The following TTC7A variants were observed in gnomAD, a reference collection of about 807,000 sequenced individuals.
The protein encoded by TTC7A is tetratricopeptide repeat protein 7A.
In TTC7A, 110 loss-of-function variants were observed where a neutral mutation model predicts 103.7. The observed-to-expected ratio is 1.06, with a 90% confidence interval of 0.91 to 1.24. The LOEUF is 1.24. TTC7A is among the 50% of genes most tolerant of loss of function. The pLI is 0.00. For missense variants in TTC7A, 1,340 were observed against 1,116.3 expected, an observed-to-expected ratio of 1.20 and a Z score of -2.86; for synonymous variants, 521 against 467.9, an observed-to-expected ratio of 1.11 and a Z score of -1.47.
At chr2:46,930,533 C>G (rs1193143553) in intron 2 of TTC7A, among the ~76,000 whole-genome samples, 9 of 140,122 alleles carry the variant, frequency 6.4e-5, no homozygotes, top group Non-Finnish European at 3.0e-5. Context: ...AAGTCTCACT[C>G]TTGTACCCCA....
intron 2 of TTC7A, among the ~76,000 whole-genome samples, chr2:46,918,094 T>C (rs1311312933): frequency 6.6e-6 from 1 of 152,230 alleles, no homozygotes; most frequent in Non-Finnish European, 1.5e-5. Flanking sequence ...CTCCTGTAAA[T>C]AACTGCCTAC....
rs1684979679 is a variant in TTC7A at position 47,073,765 on chromosome 2, G to A, written c.2419G>A (p.Glu807Lys). Residue 807 changes from glutamate to lysine, a missense_variant, in exon 20 of 20, where the codon GAG becomes AAG. Transcript: ENST00000319190. ...CCAGAAGGTGCTTCGTGATGCCGTG[G>A]AGAGGCAGAGTACGTGCCACGAGGC... is the stretch of plus-strand genomic sequence containing the variant. ...LAQKVLRDAVERQSTCHEAWQ... is the reference protein window; with the variant it reads ...LAQKVLRDAVKRQSTCHEAWQ... The A allele has an allele frequency of 6.2e-7, 1 of 1,613,876 alleles. No individual in the cohort carries two copies. The highest frequency in any genetic ancestry group is 8.5e-7 in the Non-Finnish European group (1 of 1,180,038).
At position 46,924,739 on chromosome 2, in the gene TTC7A, G is replaced by A. The variant is rs145762722; in HGVS notation, c.82+7462G>A. ...CCTCCTGGGCTCAAGCCATCCTCCT[G>A]CCTCAGGCCCTGGAATAGCTGGGAC... On this transcript the variant is annotated intron_variant, in intron 2 of 20. Transcript: ENST00000409245. Among the ~76,000 whole-genome samples, 31 of 152,248 alleles carry A rather than the reference G, an allele frequency of 2.0e-4. No individual in the cohort carries two copies. The East Asian group carries it at 5.6e-3, about 28-fold the overall frequency.
intron 15 of TTC7A, among the ~76,000 whole-genome samples, chr2:47,043,168 C>T (rs908184184): frequency 6.6e-6 from 1 of 152,226 alleles, no homozygotes; most frequent in East Asian, 1.9e-4. Flanking sequence ...GCCTGTGCTC[C>T]TTAGTCAGAA....
intron 3 of TTC7A, among the ~76,000 whole-genome samples, chr2:46,960,958 C>T (rs1469120271): frequency 1.3e-5 from 2 of 152,248 alleles, no homozygotes; most frequent in African/African-American, 2.4e-5. Context: ...TTGGCATTTG[C>T]TTTCCCAGGG....
At chr2:47,035,757 G>A (rs940209825) in intron 15 of TTC7A, 4 of 152,250 alleles carry the variant, frequency 2.6e-5, no homozygotes, top group African/African-American at 9.6e-5. Context: ...CTGGAGGCAG[G>A]AATTGTGGCC....
intron 12 of TTC7A, among the ~76,000 whole-genome samples, chr2:47,022,382 T>A (rs1044225679): frequency 5.9e-5 from 9 of 152,224 alleles, no homozygotes; most frequent in African/African-American, 1.9e-4. Context: ...TCAGCACTGC[T>A]ATGATCTTCT....
intron 15 of TTC7A, among the ~76,000 whole-genome samples, chr2:47,036,484 C>T (rs1015301439): frequency 7.2e-5 from 11 of 152,184 alleles, no homozygotes; most frequent in Non-Finnish European, 1.6e-4. Flanking sequence ...AATGTCCCTT[C>T]TGTGTTAGGG....
At chr2:47,065,367 A>G (rs1368036608) in intron 19 of TTC7A, among the ~76,000 whole-genome samples, 1 of 152,280 alleles carries the variant, frequency 6.6e-6, no homozygotes, top group East Asian at 1.9e-4. Context: ...AAAAGAAGCA[A>G]TGAGACAAAG....
At chr2:47,062,383 G>A (rs111660262) in intron 19 of TTC7A, among the ~76,000 whole-genome samples, 26 of 152,310 alleles carry the variant, frequency 1.7e-4, no homozygotes, top group African/African-American at 5.3e-4. Context: ...AAGAAAGCCC[G>A]TGCAGCCACC....
rs1331490677 is a variant in TTC7A, at chr2:46,978,879, A to G, written c.736A>G (p.Ser246Gly). 6.2e-7 allele frequency: 1 copy of G among 1,614,078 alleles called. No homozygotes were observed. The highest frequency in any genetic ancestry group is 8.5e-7 in the Non-Finnish European group (1 of 1,179,956). The change falls in exon 5 of 20, where the codon AGC (serine) becomes GGC (glycine). Residue 246 changes from serine (S) to glycine (G), a missense_variant. Physicochemically the swap from Ser to Gly is moderately conservative, Grantham distance 56 (BLOSUM62 0). Coordinates refer to ENST00000319190, the MANE Select transcript of TTC7A (RefSeq NM_020458.4). ...LTYFLEAALQ[S>G]AYVKNLKKGN... ...CTACTTCCTGGAAGCTGCCCTCCAG[A>G]GCGCCTATGTGAAAAACCTGAAGAA...
At chr2:46,930,845 C>A (rs536497954) in intron 2 of TTC7A, among the ~76,000 whole-genome samples, 1 of 152,086 alleles carries the variant, frequency 6.6e-6, no homozygotes, top group Non-Finnish European at 1.5e-5. Flanking sequence ...AATTTTTAAA[C>A]CTTCCCATAA....
intron 19 of TTC7A, among the ~76,000 whole-genome samples, chr2:47,073,113 CCGCACA>C (rs574897157): frequency 6.6e-6 from 1 of 152,192 alleles, no homozygotes; most frequent in African/African-American, 2.4e-5. Context: ...TGAGGAGCCA[CCGCACA>C]CGCACACGTT....
At chr2:46,927,611 C>T (rs754284478) in intron 2 of TTC7A, among the ~76,000 whole-genome samples, 1 of 151,854 alleles carries the variant, frequency 6.6e-6, no homozygotes, top group Non-Finnish European at 1.5e-5. Flanking sequence ...CTGCTCTCCT[C>T]GGCCTCCCAA....
chr2:46,988,459 T>G (rs1675276182), intron 5 of TTC7A, among the ~76,000 whole-genome samples: 1 of 152,236 alleles, frequency 6.6e-6, no homozygotes, highest in Non-Finnish European at 1.5e-5. Flanking sequence ...TGGTAACCTT[T>G]CATACACAGT....
chr2:46,982,473 A>G (rs1231255851), intron 5 of TTC7A, among the ~76,000 whole-genome samples: 2 of 152,192 alleles, frequency 1.3e-5, no homozygotes, highest in Non-Finnish European at 2.9e-5. Flanking sequence ...TGAGAACCAC[A>G]GCTGTGAAGT....
chr2:47,040,084 AACACCGAGCCTGGGTGAGGGG>A (rs1373618698), intron 15 of TTC7A, among the ~76,000 whole-genome samples: 1 of 152,098 alleles, frequency 6.6e-6, no homozygotes, highest in Non-Finnish European at 1.5e-5. Context: ...TGGGTGAGGG[AACACCGAGCCTGGGTGAGGGG>A]TGGCCGGTGT....
intron 15 of TTC7A, among the ~76,000 whole-genome samples, chr2:47,030,028 TA>T (rs906618868): frequency 3.4e-5 from 4 of 118,314 alleles, no homozygotes; most frequent in Non-Finnish European, 6.7e-5. Flanking sequence ...TCAGGGGAGT[TA>T]GGGGGAGTCT....
Position 47,052,840 on chromosome 2 carries a change from C to T in TTC7A, c.2152+960C>T, listed in dbSNP as rs546000520. Among the ~76,000 whole-genome samples the T allele has an allele frequency of 1.7e-4, 26 of 152,302 alleles. No individual in the cohort carries two copies. The East Asian group carries it at 4.2e-3, about 25-fold the overall frequency. ...GTACCTCTTGCATTTTCTCTGATTA[C>T]CCTCCTCTCTGCTCCTTCTCCATCA... On this transcript the variant is annotated intron_variant, in intron 18 of 19. Transcript: ENST00000319190.
Sources: gnomAD v4.1 joint callset for allele counts (sites outside exome capture counted in the v4.1 genomes callset) on GRCh38, gnomAD v4.1.1 for gene constraint, MANE v1.5 for transcripts, NCBI Gene and HGNC (gene_info 2026-07-23, HGNC 2026-07-21) for gene names.